Variants in SMG1 observed in about 807,000 individuals in gnomAD.
SMG1 encodes the protein serine/threonine-protein kinase SMG1.
In SMG1, 22 loss-of-function variants were observed where a neutral mutation model predicts 419.9. That is an observed-to-expected ratio of 0.05 (90% CI 0.04 to 0.07). The LOEUF (loss-of-function observed/expected upper bound fraction) is 0.07. Among genes scored for constraint, SMG1 ranks in the 10% least tolerant of loss-of-function variants. The pLI is 1.00. For synonymous variants in SMG1, 1,538 were observed against 1,553.5 expected (o/e 0.99, Z 0.23); for missense variants, 3,185 against 4,342.0 (o/e 0.73, Z 7.49).
chr16:18,873,797 T>C (rs1050366341), intron 13 of SMG1, among the ~76,000 whole-genome samples: 1 of 152,200 alleles, frequency 6.6e-6, no homozygotes, highest in Non-Finnish European at 1.5e-5. Context: ...CCTGCCACTC[T>C]ACACCTTTTC....
rs369424325 is a variant in SMG1, at chr16:18,871,450, G to A, written c.2216C>T (p.Ala739Val). 45 of 1,599,214 alleles carry A rather than the reference G, an allele frequency of 2.8e-5. No homozygotes were observed. Among genetic ancestry groups the A allele is most frequent in the Non-Finnish European group, 3.6e-5 (42 of 1,175,492 alleles). The change falls in exon 16 of 63, where the codon GCT (alanine) becomes GTT (valine). Residue 739 changes from alanine to valine, a missense_variant. Transcript: ENST00000446231. ...KLLMTWALEA[A>V]VLMKKSETYA... is the part of the protein sequence containing the mutation. ...TGTTTCAGACTTCTTCATTAAAACA[G>A]CTGCTTCCAAAGCCCAAGTCATTAA...
intron 6 of SMG1, among the ~76,000 whole-genome samples, chr16:18,886,048 T>G (rs1387383377): frequency 6.6e-6 from 1 of 152,218 alleles, no homozygotes; most frequent in African/African-American, 2.4e-5. Flanking sequence ...CTTCAATGTT[T>G]GTTAATATTA....
At chr16:18,887,725 T>G (rs2036685011) in intron 6 of SMG1, among the ~76,000 whole-genome samples, 1 of 127,230 alleles carries the variant, frequency 7.9e-6, no homozygotes, top group South Asian at 2.6e-4. Flanking sequence ...TTATATTTTT[T>G]AAACTACATA....
intron 11 of SMG1, chr16:18,879,153 G>A: frequency 3.5e-6 from 1 of 283,316 alleles, no homozygotes; most frequent in Admixed American, 4.9e-5. Context: ...GCCTTTTTTT[G>A]TCACCTTGGC....
At chr16:18,909,648 G>C (rs1207705416) in intron 1 of SMG1, among the ~76,000 whole-genome samples, 1 of 152,164 alleles carries the variant, frequency 6.6e-6, no homozygotes, top group African/African-American at 2.4e-5. Flanking sequence ...AGAAGATATG[G>C]TCTCACAAAT....
intron 29 of SMG1, among the ~76,000 whole-genome samples, chr16:18,855,412 G>C (rs2034842296): frequency 6.6e-6 from 1 of 152,064 alleles, no homozygotes; most frequent in Non-Finnish European, 1.5e-5. Context: ...CTTTTCCTGT[G>C]TCTTCAATTA....
At chr16:18,815,335 T>C (rs2031905190) in intron 59 of SMG1, 54 bp from the exon 60 acceptor site, 1 of 1,533,802 alleles carries the variant, frequency 6.5e-7, no homozygotes, top group East Asian at 2.3e-5. Context: ...TGATACTACT[T>C]ATAAAAATAT....
intron 29 of SMG1, chr16:18,857,116 T>A (rs1380379138): frequency 6.6e-6 from 1 of 152,218 alleles, no homozygotes; most frequent in African/African-American, 2.4e-5. Flanking sequence ...CCAGGTATAT[T>A]TGGCAGTGAA....
intron 1 of SMG1, among the ~76,000 whole-genome samples, chr16:18,923,785 T>G (rs1327598717): frequency 6.6e-6 from 1 of 152,202 alleles, no homozygotes; most frequent in Non-Finnish European, 1.5e-5. Flanking sequence ...TAAACCTTCA[T>G]TTAAGCAAGA....
At chr16:18,830,558 T>C (rs1596479059) in intron 51 of SMG1, among the ~76,000 whole-genome samples, 189 bp from the exon 52 acceptor site, 1 of 151,988 alleles carries the variant, frequency 6.6e-6, no homozygotes, top group Admixed American at 6.6e-5. Context: ...CAGGCCGAGG[T>C]GGGCAGATCA....
chr16:18,896,723 A>C (rs547869982), intron 2 of SMG1, 70 bp downstream of exon 2: 6 of 1,166,086 alleles, frequency 5.1e-6, no homozygotes, highest in Non-Finnish European at 6.3e-6. Flanking sequence ...AGTTGGGGGT[A>C]TAAGAAGGCA....
At chr16:18,923,986 T>TG (rs2038294800) in intron 1 of SMG1, among the ~76,000 whole-genome samples, 2 of 152,174 alleles carry the variant, frequency 1.3e-5, no homozygotes, top group Non-Finnish European at 2.9e-5. Flanking sequence ...ATGTCCACAC[T>TG]TCCCTGTTCC....
chr16:18,829,570 A>C lies in SMG1; in HGVS notation c.9319T>G (p.Cys3107Gly), dbSNP rs1233494577. The C allele has an allele frequency of 6.2e-7, 1 of 1,614,042 alleles. No homozygotes were observed. The highest frequency in any genetic ancestry group is 1.7e-5 in the Admixed American group (1 of 60,022). The change falls in exon 54 of 63, where the codon TGC becomes GGC. Residue 3107 changes from cysteine (C) to glycine (G), a missense_variant. This residue lies in a region of SMG1 where 737 missense variants were observed against 846.6 expected (regional missense o/e 0.87). Coordinates refer to ENST00000446231, the MANE Select transcript of SMG1 (RefSeq NM_015092.5). ...LPNQALGLTL[C>G]SFISALGVDI... ...ACACCCAGAGCACTGATAAAACTGCACAGTGTGAGTCCGAGGGCTTGGTTG... is the reference window on the plus strand; with the variant it reads ...ACACCCAGAGCACTGATAAAACTGCCCAGTGTGAGTCCGAGGGCTTGGTTG...
At chr16:18,813,762 C>A (rs1208420718) in intron 60 of SMG1, among the ~76,000 whole-genome samples, 1 of 151,988 alleles carries the variant, frequency 6.6e-6, no homozygotes, top group Non-Finnish European at 1.5e-5. Context: ...AATGGTATTG[C>A]CTAGGTTTTC....
At chr16:18,818,373 A>C (rs1013037121) in intron 56 of SMG1, among the ~76,000 whole-genome samples, 2 of 152,018 alleles carry the variant, frequency 1.3e-5, no homozygotes, top group Non-Finnish European at 2.9e-5. Context: ...CAACAAGAGC[A>C]AAACTCCGTC....
At chr16:18,912,759 C>G (rs903870198) in intron 1 of SMG1, among the ~76,000 whole-genome samples, 1 of 152,032 alleles carries the variant, frequency 6.6e-6, no homozygotes, top group African/African-American at 2.4e-5. Context: ...CAAATAATGA[C>G]AGAATTAATC....
rs1469345948 is a variant in SMG1 at position 18,869,043 on chromosome 16, A to C, written c.2833+61T>G. On this transcript the variant is annotated intron_variant, in intron 20 of 62. Coordinates refer to ENST00000446231, the MANE Select transcript of SMG1 (RefSeq NM_015092.5). Reference sequence around the variant, plus strand: ...CTCAAATCTTTAACAAAGATTTAAGAATCCAGTATTTCTTAATAAGGCTTT... The same window carrying C: ...CTCAAATCTTTAACAAAGATTTAAGCATCCAGTATTTCTTAATAAGGCTTT... 7.2e-6 allele frequency: 10 copies of C among 1,381,326 alleles called. No individual in the cohort carries two copies. In the Middle Eastern group the frequency reaches 7.5e-4, roughly 104 times the overall value. 85.6% of individuals were successfully genotyped at this position (1,381,326 alleles called of 1,614,324 possible). A position where few individuals can be genotyped will look rare whatever the true frequency, so the allele number is the denominator to read the frequency against.
chr16:18,907,230 C>T (rs1442129090), intron 1 of SMG1, among the ~76,000 whole-genome samples: 1 of 151,378 alleles, frequency 6.6e-6, no homozygotes, highest in Non-Finnish European at 1.5e-5. Flanking sequence ...TGCAGTGAGC[C>T]GAGACTGCGC....
At chr16:18,863,331 C>T (rs1255871435) in intron 25 of SMG1, among the ~76,000 whole-genome samples, 1 of 152,234 alleles carries the variant, frequency 6.6e-6, no homozygotes, top group Non-Finnish European at 1.5e-5. Flanking sequence ...ACAAAGCCAT[C>T]AAACATGATT....
Sources: allele counts gnomAD v4.1 joint callset (sites outside exome capture counted in the v4.1 genomes callset), GRCh38; gene constraint gnomAD v4.1.1; regional missense constraint gnomAD v4.1.1; transcripts MANE v1.5; gene names NCBI Gene and HGNC (gene_info 2026-07-23, HGNC 2026-07-21).